Variants in PTPRD observed in about 807,000 individuals in gnomAD.
The protein encoded by PTPRD is receptor-type tyrosine-protein phosphatase delta.
Under a neutral mutation model 214.5 loss-of-function variants are expected in PTPRD, and 34 were observed. That is an observed-to-expected ratio of 0.16 (90% CI 0.12 to 0.21). The LOEUF (loss-of-function observed/expected upper bound fraction) is 0.21. Ranked by LOEUF, PTPRD falls within the 10% of genes least tolerant of loss-of-function variation. PTPRD has a pLI of 1.00. For missense variants in PTPRD, 2,545 were observed against 2,398.7 expected (o/e 1.06, Z -1.27); for synonymous variants, 1,128 against 845.7 (o/e 1.33, Z -5.79).
chr9:9,927,626 A>G (rs2084805099), intron 5 of PTPRD, among the ~76,000 whole-genome samples: 10 of 152,146 alleles, frequency 6.6e-5, no homozygotes, highest in Admixed American at 6.6e-4. Flanking sequence ...ACATAATAAC[A>G]TACTATTTAG....
chr9:10,268,368 T>C lies in PTPRD; in HGVS notation c.-545+72595A>G, dbSNP rs1001930974. On this transcript the variant is annotated intron_variant, in intron 3 of 45. Transcript: ENST00000381196. ...ATAACAGAGGGGCAGCATTTTTTAT[T>C]TGTTATTTTTAAATGTTCTAAATTT... 2.0e-5 allele frequency among the ~76,000 whole-genome samples: 3 copies of C among 151,472 alleles called. 1 individual carries two copies. The highest frequency in any genetic ancestry group is 2.9e-5 in the Non-Finnish European group (2 of 67,892).
intron 10 of PTPRD, among the ~76,000 whole-genome samples, chr9:9,063,443 G>T (rs1006084219): frequency 6.6e-6 from 1 of 152,144 alleles, no homozygotes; most frequent in Non-Finnish European, 1.5e-5. Context: ...TAGGATAAGA[G>T]AAAAGGCTTC....
intron 14 of PTPRD, among the ~76,000 whole-genome samples, chr9:8,599,979 T>A (rs1251785908): frequency 6.6e-6 from 1 of 152,078 alleles, no homozygotes; most frequent in Non-Finnish European, 1.5e-5. Flanking sequence ...TAATTTTGAT[T>A]TCATATTGTT....
At chr9:9,200,769 T>C (rs1193839730) in intron 9 of PTPRD, among the ~76,000 whole-genome samples, 1 of 152,202 alleles carries the variant, frequency 6.6e-6, no homozygotes. Context: ...AGTGAATAAA[T>C]GTGATGGGGG....
At chr9:10,309,707 C>T (rs2096211208) in intron 3 of PTPRD, among the ~76,000 whole-genome samples, 1 of 151,776 alleles carries the variant, frequency 6.6e-6, no homozygotes, top group South Asian at 2.1e-4. Flanking sequence ...ATCTTTTTCA[C>T]AATCAACACT....
chr9:10,062,552 G>T (rs1395516158), intron 3 of PTPRD, among the ~76,000 whole-genome samples: 1 of 152,042 alleles, frequency 6.6e-6, no homozygotes, highest in Non-Finnish European at 1.5e-5. Context: ...GTTGCAGTTA[G>T]CCAAGATCAC....
intron 37 of PTPRD, among the ~76,000 whole-genome samples, chr9:8,378,130 ACAGT>A (rs1212297526): frequency 6.6e-6 from 1 of 152,104 alleles, no homozygotes; most frequent in Non-Finnish European, 1.5e-5. Context: ...AAAATTGTCC[ACAGT>A]AAGACAAAAA....
At chr9:10,101,373 T>G (rs1046441011) in intron 3 of PTPRD, among the ~76,000 whole-genome samples, 32 of 151,700 alleles carry the variant, frequency 2.1e-4, no homozygotes, top group Admixed American at 9.2e-4. Context: ...AATATGACAG[T>G]CCTTTCACTG....
chr9:8,388,618 A>G (rs1003043645), intron 37 of PTPRD, among the ~76,000 whole-genome samples: 3 of 152,064 alleles, frequency 2.0e-5, no homozygotes, highest in Non-Finnish European at 4.4e-5. Context: ...GATGAATAAA[A>G]CTCTTTTCTT....
intron 7 of PTPRD, among the ~76,000 whole-genome samples, chr9:9,667,801 G>A (rs2096751967): frequency 6.6e-6 from 1 of 152,152 alleles, no homozygotes; most frequent in South Asian, 2.1e-4. Context: ...TTATTCAGAG[G>A]TCTGTAGGGT....
chr9:8,427,986 G>A (rs971000045), intron 35 of PTPRD, among the ~76,000 whole-genome samples: 1 of 152,124 alleles, frequency 6.6e-6, no homozygotes, highest in African/African-American at 2.4e-5. Context: ...AAGCATGTAT[G>A]TGTTTGTTTT....
chr9:9,270,611 A>G (rs1334811346), intron 9 of PTPRD, among the ~76,000 whole-genome samples: 1 of 151,280 alleles, frequency 6.6e-6, no homozygotes, highest in Non-Finnish European at 1.5e-5. Flanking sequence ...TCCAGGAAAA[A>G]TTTGATTCTA....
intron 7 of PTPRD, among the ~76,000 whole-genome samples, chr9:9,635,969 T>C (rs776654582): frequency 2.0e-5 from 3 of 152,186 alleles, no homozygotes; most frequent in Non-Finnish European, 2.9e-5. Flanking sequence ...CTCTCCATTG[T>C]TCTTAGGAAA....
intron 14 of PTPRD, among the ~76,000 whole-genome samples, chr9:8,548,349 T>C (rs1171946622): frequency 2.0e-5 from 3 of 151,908 alleles, no homozygotes; most frequent in East Asian, 1.9e-4. Context: ...ATGTGTTAGG[T>C]TGTATATGCA....
chr9:9,589,128 T>G (rs1217843388), intron 7 of PTPRD, among the ~76,000 whole-genome samples: 1 of 151,988 alleles, frequency 6.6e-6, no homozygotes, highest in Non-Finnish European at 1.5e-5. Flanking sequence ...AATATTTGTT[T>G]CTAAATGTAT....
chr9:9,135,263 C>G (rs1015635117), intron 10 of PTPRD, among the ~76,000 whole-genome samples: 1 of 152,162 alleles, frequency 6.6e-6, no homozygotes, highest in Non-Finnish European at 1.5e-5. Context: ...CCTCTGGCAC[C>G]TAGTATGATA....
intron 5 of PTPRD, among the ~76,000 whole-genome samples, chr9:9,838,910 T>G (rs953543974): frequency 8.5e-5 from 13 of 152,278 alleles, no homozygotes; most frequent in African/African-American, 2.9e-4. Flanking sequence ...GTCTAATGTT[T>G]AAGTCTTTAA....
intron 11 of PTPRD, among the ~76,000 whole-genome samples, chr9:8,843,398 C>T (rs936019895): frequency 6.6e-6 from 1 of 152,254 alleles, no homozygotes; most frequent in South Asian, 2.1e-4. Flanking sequence ...AAATGCTGTA[C>T]ACCTTGATTT....
At chr9:9,562,374 T>A (rs2083201286) in intron 8 of PTPRD, among the ~76,000 whole-genome samples, 5 of 152,206 alleles carry the variant, frequency 3.3e-5, no homozygotes, top group African/African-American at 1.2e-4. Context: ...TGCATTACGG[T>A]AGCCTTTAAA....
Sources: gnomAD v4.1 joint callset for allele counts (sites outside exome capture counted in the v4.1 genomes callset) on GRCh38, gnomAD v4.1.1 for gene constraint, MANE v1.5 for transcripts, NCBI Gene and HGNC (gene_info 2026-07-23, HGNC 2026-07-21) for gene names.